Variants in GLYR1 observed in about 807,000 individuals in gnomAD.
GLYR1 encodes cytokine-like nuclear factor N-PAC.
GLYR1 carries 21 observed loss-of-function variants against 72.7 expected under a neutral mutation model. The ratio of observed to expected loss-of-function variants is 0.29; its 90% CI spans 0.20 to 0.42. GLYR1 has a LOEUF of 0.42. Ranked by LOEUF, GLYR1 falls within the 10% of genes least tolerant of loss-of-function variation. The probability of loss-of-function intolerance (pLI) is 1.00; values close to 1 mark genes in which losing one functional copy is unlikely to be tolerated. For missense variants in GLYR1, 594 were observed against 712.1 expected (o/e 0.83, Z 1.89); for synonymous variants, 392 against 270.2 (o/e 1.45, Z -4.42).
chr16:4,833,816 C>T (rs966935691), intron 3 of GLYR1, among the ~76,000 whole-genome samples: 1 of 152,218 alleles, frequency 6.6e-6, no homozygotes. Flanking sequence ...AAATCTGCTG[C>T]AGCTGGCTTT....
chr16:4,824,057 T>C (rs2084222284), intron 5 of GLYR1, 150 bp from the exon 6 acceptor site: 2 of 599,120 alleles, frequency 3.3e-6, no homozygotes, highest in Non-Finnish European at 6.0e-6. Flanking sequence ...GTTCTTCCCA[T>C]TAACACAAAG....
At chr16:4,829,743 G>A (rs946440922) in intron 5 of GLYR1, among the ~76,000 whole-genome samples, 1 of 152,090 alleles carries the variant, frequency 6.6e-6, no homozygotes, top group Non-Finnish European at 1.5e-5. Context: ...CGCAATCTCG[G>A]CTCACTGCAA....
At position 4,828,349 on chromosome 16, in the gene GLYR1, G is replaced by A. The variant is rs75557031; in HGVS notation, c.537+3630C>T. ...CTCCCAAAGCGCTGGGATTACAGGC[G>A]TGAGCCACCGCGCCCGGCAAAGGTA... On this transcript the variant is annotated intron_variant, in intron 5 of 15. Coordinates refer to ENST00000321919, the MANE Select transcript of GLYR1 (RefSeq NM_032569.4). Among the ~76,000 whole-genome samples, 13 of 152,168 alleles carry A rather than the reference G, an allele frequency of 8.5e-5. No individual in the cohort carries two copies. The East Asian group carries it at 2.5e-3, about 29-fold the overall frequency.
intron 1 of GLYR1, 171 bp downstream of exon 1, chr16:4,847,057 G>A (rs1567850889): frequency 1.6e-6 from 1 of 636,334 alleles, no homozygotes; most frequent in East Asian, 3.0e-5. Context: ...GGTCCCCCGG[G>A]ACTGGACTGC....
At position 4,818,542 on chromosome 16, in the gene GLYR1, C is replaced by T. The variant is rs147036495; in HGVS notation, c.807-845G>A. On this transcript the variant is annotated intron_variant, in intron 9 of 15. Transcript: ENST00000321919. Reference sequence around the variant, plus strand: ...AAGGGATCCGCCCACCTCAGCCTCCCAAAGTGCTGGGGTTGCAGGTGTGAA... The same window carrying T: ...AAGGGATCCGCCCACCTCAGCCTCCTAAAGTGCTGGGGTTGCAGGTGTGAA... 7.0e-3 allele frequency among the ~76,000 whole-genome samples: 1,062 copies of T among 152,272 alleles called. 10 individuals carry two copies. The highest frequency in any genetic ancestry group is 0.025 in the African/African-American group (1,018 of 41,548).
At chr16:4,808,957 T>C (rs1164538518) in intron 15 of GLYR1, among the ~76,000 whole-genome samples, 1 of 152,110 alleles carries the variant, frequency 6.6e-6, no homozygotes, top group African/African-American at 2.4e-5. Flanking sequence ...AGAGTGAGAC[T>C]GTGTCTCAAA....
intron 12 of GLYR1, among the ~76,000 whole-genome samples, chr16:4,812,947 C>T (rs533743606): frequency 3.3e-4 from 50 of 150,912 alleles, no homozygotes; most frequent in African/African-American, 1.1e-3. Context: ...CAGGCAACCG[C>T]CACCATGCCT....
intron 3 of GLYR1, among the ~76,000 whole-genome samples, chr16:4,834,323 G>A (rs1304725738): frequency 2.2e-5 from 3 of 134,484 alleles, no homozygotes; most frequent in South Asian, 2.2e-4. Context: ...TTTTTGAGAC[G>A]GAGTTTCACT....
At chr16:4,814,915 G>A (rs980774973) in intron 10 of GLYR1, among the ~76,000 whole-genome samples, 8 of 152,154 alleles carry the variant, frequency 5.3e-5, no homozygotes, top group Non-Finnish European at 7.3e-5. Context: ...CAAGAATGGG[G>A]TATGAACAGT....
chr16:4,826,358 G>T (rs758676266), intron 5 of GLYR1, among the ~76,000 whole-genome samples: 1 of 151,978 alleles, frequency 6.6e-6, no homozygotes, highest in East Asian at 1.9e-4. Flanking sequence ...CTCCTACCTC[G>T]GCCTTCCAAA....
chr16:4,816,419 AG>A (rs1363741115), intron 10 of GLYR1, among the ~76,000 whole-genome samples: 1 of 152,226 alleles, frequency 6.6e-6, no homozygotes, highest in Non-Finnish European at 1.5e-5. Flanking sequence ...CTAGGATTAT[AG>A]GTGTGAGCCT....
chr16:4,820,850 C>T (rs2083969120), intron 9 of GLYR1, among the ~76,000 whole-genome samples: 10 of 152,226 alleles, frequency 6.6e-5, no homozygotes, highest in Admixed American at 6.5e-4. Flanking sequence ...GATCGCCCCA[C>T]CCACACCGGG....
intron 5 of GLYR1, among the ~76,000 whole-genome samples, chr16:4,828,629 T>C (rs2084586829): frequency 6.6e-6 from 1 of 152,042 alleles, no homozygotes; most frequent in South Asian, 2.1e-4. Flanking sequence ...GTTCTCACTG[T>C]ACAAACGGCC....
intron 1 of GLYR1, 94 bp downstream of exon 1, chr16:4,847,134 G>A (rs1379773646): frequency 3.7e-5 from 43 of 1,149,494 alleles, no homozygotes; most frequent in East Asian, 5.2e-5. Flanking sequence ...GACCTGGAGC[G>A]CATAAAAAGG....
At chr16:4,830,016 C>T (rs1210960820) in intron 5 of GLYR1, among the ~76,000 whole-genome samples, 1 of 151,842 alleles carries the variant, frequency 6.6e-6, no homozygotes, top group East Asian at 1.9e-4. Context: ...GTTGCCCAGG[C>T]TGGTCTAGAA....
At chr16:4,834,560 C>A (rs1270850346) in intron 3 of GLYR1, among the ~76,000 whole-genome samples, 1 of 152,004 alleles carries the variant, frequency 6.6e-6, no homozygotes, top group Non-Finnish European at 1.5e-5. Context: ...CCTCCACCTC[C>A]CAGGTTCAAG....
intron 5 of GLYR1, among the ~76,000 whole-genome samples, chr16:4,824,448 C>T (rs1290745185): frequency 1.4e-5 from 2 of 143,772 alleles, no homozygotes; most frequent in Admixed American, 7.5e-5. Context: ...TGCAGTGAGC[C>T]GAGATTGCAC....
At chr16:4,822,118 G>A (rs1037737228) in intron 7 of GLYR1, among the ~76,000 whole-genome samples, 8 of 110,076 alleles carry the variant, frequency 7.3e-5, no homozygotes, top group Admixed American at 2.5e-4. Context: ...ATAGAGTCTC[G>A]CTCTGTCGCC....
intron 15 of GLYR1, among the ~76,000 whole-genome samples, chr16:4,805,837 C>T (rs1316845025): frequency 1.3e-5 from 2 of 151,826 alleles, no homozygotes; most frequent in African/African-American, 2.4e-5. Flanking sequence ...AAAAATTAGC[C>T]GGGCATGGTG....
Sources: gnomAD v4.1 joint callset for allele counts (sites outside exome capture counted in the v4.1 genomes callset) on GRCh38, gnomAD v4.1.1 for gene constraint, MANE v1.5 for transcripts, NCBI Gene and HGNC (gene_info 2026-07-23, HGNC 2026-07-21) for gene names.